Variants in ZFAT observed in about 807,000 individuals in gnomAD.
ZFAT encodes the protein zinc finger and AT-hook domain containing, also known as zinc finger protein ZFAT.
ZFAT carries 64 observed loss-of-function variants against 117.7 expected under a neutral mutation model. That is an observed-to-expected ratio of 0.54 (90% CI 0.44 to 0.67). The LOEUF (loss-of-function observed/expected upper bound fraction) is 0.67, where lower values mean the gene tolerates loss of function less well. Among genes scored for constraint, ZFAT ranks in the 30% least tolerant of loss-of-function variants. The probability of loss-of-function intolerance (pLI) is 0.00; values close to 1 mark genes in which losing one functional copy is unlikely to be tolerated. For synonymous variants in ZFAT, 679 were observed against 615.0 expected (o/e 1.10, Z -1.54); for missense variants, 1,433 against 1,584.5 (o/e 0.90, Z 1.62).
At chr8:134,663,957 T>C (rs953971468) in intron 1 of ZFAT, among the ~76,000 whole-genome samples, 6 of 151,920 alleles carry the variant, frequency 3.9e-5, no homozygotes, top group Non-Finnish European at 1.5e-5. Context: ...GGAAGCTGAG[T>C]CGCACGCTGC....
chr8:134,682,039 C>A (rs1037013650), intron 1 of ZFAT, among the ~76,000 whole-genome samples: 5 of 152,062 alleles, frequency 3.3e-5, no homozygotes, highest in African/African-American at 1.2e-4. Flanking sequence ...ACTTCATTAC[C>A]GTCATTATAC....
rs756559993 is a variant in ZFAT at position 134,532,913 on chromosome 8, G to A, written c.3036C>T (p.His1012=). ...SCNISGSLKR[H]YNRKHPNEEY... is the part of the protein sequence containing the mutation. ...CCTCATTAGGGTGCTTCCTGTTGTA[G>A]TGCCGCTTCAGAGAGCCAGATATGT... The change falls in exon 12 of 16, where the codon CAC becomes CAT. Residue 1012 remains histidine, a synonymous_variant. Coordinates refer to ENST00000377838, the MANE Select transcript of ZFAT (RefSeq NM_020863.4). 1 of 1,609,768 alleles carries A rather than the reference G, an allele frequency of 6.2e-7. No individual in the cohort carries two copies. Among genetic ancestry groups the A allele is most frequent in the Non-Finnish European group, 8.5e-7 (1 of 1,178,092 alleles).
intron 3 of ZFAT, among the ~76,000 whole-genome samples, chr8:134,636,816 T>C (rs1251085942): frequency 6.6e-6 from 1 of 152,244 alleles, no homozygotes; most frequent in Non-Finnish European, 1.5e-5. Context: ...TGACCACATC[T>C]ATCCGCCTTT....
chr8:134,698,699 C>G (rs1322920317), intron 1 of ZFAT, among the ~76,000 whole-genome samples: 2 of 152,150 alleles, frequency 1.3e-5, no homozygotes, highest in Non-Finnish European at 2.9e-5. Flanking sequence ...GCCTCCCGGA[C>G]ACCCCCAGGG....
At chr8:134,818,986 T>C in the ZFAT span, among the ~76,000 whole-genome samples, 3 of 152,200 alleles carry the variant, frequency 2.0e-5, no homozygotes, top group Non-Finnish European at 2.9e-5. Context: ...TTGACTGTGG[T>C]GATGGTCTCA....
At chr8:134,521,805 A>G (rs1174688015) in intron 12 of ZFAT, among the ~76,000 whole-genome samples, 1 of 152,162 alleles carries the variant, frequency 6.6e-6, no homozygotes, top group Non-Finnish European at 1.5e-5. Context: ...CCTCTAGTCT[A>G]CTGGCCTGAG....
At chr8:134,738,424 G>A in the ZFAT span, among the ~76,000 whole-genome samples, 1 of 152,172 alleles carries the variant, frequency 6.6e-6, no homozygotes, top group Non-Finnish European at 1.5e-5. Context: ...GTGAGGCTTA[G>A]CTTTTCATTT....
intron 11 of ZFAT, among the ~76,000 whole-genome samples, chr8:134,547,702 A>G (rs376898561): frequency 1.5e-4 from 23 of 152,352 alleles, no homozygotes; most frequent in African/African-American, 5.3e-4. Context: ...GCTGTGCTCA[A>G]CATAAGAAAA....
Position 134,601,707 on chromosome 8 carries a change from C to T in ZFAT, c.2012G>A (p.Ser671Asn), listed in dbSNP as rs1239756913. 2.5e-6 allele frequency: 4 copies of T among 1,613,200 alleles called. No individual in the cohort carries two copies. The highest frequency in any genetic ancestry group is 3.4e-6 in the Non-Finnish European group (4 of 1,179,434). ...AVLSAGDPDP[S>N]RCLRSNPAEA... ...AGCTGGGTTTGACCTGAGACACCTG[C>T]TGGGATCTGGGTCACCAGCTGAAAG... The change falls in exon 6 of 16, where the codon AGC (serine) becomes AAC (asparagine). Residue 671 changes from serine (S) to asparagine (N), a missense_variant. By Grantham distance (46) the Ser-to-Asn change is conservative. Around this residue, in one of 5 missense-constraint regions of ZFAT, gnomAD observed 372 missense variants for 355.6 expected, o/e 1.05. Coordinates refer to ENST00000377838, the MANE Select transcript of ZFAT (RefSeq NM_020863.4).
rs1307799903 is a variant in ZFAT, at chr8:134,637,600, C to T, written c.309G>A (p.Leu103=). Residue 103 remains leucine (L), a synonymous_variant, in exon 3 of 16, where the codon CTG becomes CTA. Transcript: ENST00000377838. The part of the protein sequence containing the change: ...NIVSPTEDSP[L]APEEGNSLPP... ...GCAGGCTGTTCCCTTCCTCCGGAGC[C>T]AGCGGGCTGTCCTCAGTCGGACTCA... The T allele has an allele frequency of 1.2e-6, 2 of 1,614,262 alleles. No homozygotes were observed. Among genetic ancestry groups the T allele is most frequent in the Non-Finnish European group, 8.5e-7 (1 of 1,180,052 alleles).
chr8:134,772,946 G>A, the ZFAT span, among the ~76,000 whole-genome samples: 1 of 151,926 alleles, frequency 6.6e-6, no homozygotes, highest in Admixed American at 6.6e-5. Context: ...AAAAAAACTA[G>A]CCTGGCATAG....
Position 134,602,422 on chromosome 8 carries a change from C to T in ZFAT, c.1297G>A (p.Ala433Thr). ...MLVHGDKWPF[A>T]CELCGHGATK... Reference sequence around the variant, plus strand: ...GCCCCATGGCCACAGAGCTCACAGGCAAAAGGCCACTTGTCTCCGTGGACC... The same window carrying T: ...GCCCCATGGCCACAGAGCTCACAGGTAAAAGGCCACTTGTCTCCGTGGACC... The change falls in exon 6 of 16, where the codon GCC (alanine) becomes ACC (threonine). Residue 433 changes from alanine (A) to threonine (T), a missense_variant. Transcript: ENST00000377838. The T allele has an allele frequency of 6.2e-7, 1 of 1,613,976 alleles. No individual in the cohort carries two copies. The highest frequency in any genetic ancestry group is 8.5e-7 in the Non-Finnish European group (1 of 1,180,046).
Position 134,554,369 on chromosome 8 carries a change from C to T in ZFAT, c.2976+10964G>A, listed in dbSNP as rs115393513. 7.5e-3 allele frequency among the ~76,000 whole-genome samples: 1,135 copies of T among 152,282 alleles called. 25 individuals are homozygous for T. Among genetic ancestry groups the T allele is most frequent in the African/African-American group, 0.026 (1,081 of 41,522 alleles). ...TCAGATTGCCAAGGATACAAAGAAA[C>T]CTAAGTGAACTAATTCTAGAAAAAG... On this transcript the variant is annotated intron_variant, in intron 11 of 15. Transcript: ENST00000377838.
intron 13 of ZFAT, among the ~76,000 whole-genome samples, chr8:134,517,838 G>A (rs146474516): frequency 2.7e-4 from 41 of 152,338 alleles, no homozygotes; most frequent in African/African-American, 9.6e-4. Context: ...TAATTAGGCT[G>A]AGGTTGAAGA....
chr8:134,775,033 G>A, the ZFAT span, among the ~76,000 whole-genome samples: 6 of 152,190 alleles, frequency 3.9e-5, no homozygotes, highest in African/African-American at 9.7e-5. Flanking sequence ...CAGGAGAATC[G>A]CTTGAACCCA....
chr8:134,800,540 C>A, the ZFAT span: 1 of 514,134 alleles, frequency 1.9e-6, no homozygotes, highest in Admixed American at 2.0e-5. Context: ...CTGAAGTAAA[C>A]ATCCACCTCC....
chr8:134,812,935 C>G, the ZFAT span, among the ~76,000 whole-genome samples: 1 of 152,062 alleles, frequency 6.6e-6, no homozygotes, highest in Non-Finnish European at 1.5e-5. Context: ...AGCAATGTAC[C>G]CAGAGTCACA....
intron 2 of ZFAT, 80 bp from the exon 3 acceptor site, chr8:134,637,792 A>G (rs1160036749): frequency 8.5e-6 from 13 of 1,525,894 alleles, no homozygotes; most frequent in Non-Finnish European, 9.7e-6. Flanking sequence ...AAGTGTGAGG[A>G]TATGTTCAGG....
intron 11 of ZFAT, among the ~76,000 whole-genome samples, chr8:134,554,562 G>A (rs1823422672): frequency 6.6e-6 from 1 of 152,160 alleles, no homozygotes; most frequent in Non-Finnish European, 1.5e-5. Context: ...GATGAAAGAG[G>A]AGAGGAAAGC....
Sources: gnomAD v4.1 joint callset for allele counts (sites outside exome capture counted in the v4.1 genomes callset) on GRCh38, gnomAD v4.1.1 for gene constraint, gnomAD v4.1.1 regional missense constraint, MANE v1.5 for transcripts, NCBI Gene and HGNC (gene_info 2026-07-23, HGNC 2026-07-21) for gene names.